The following FCRL3 variants were observed in gnomAD, a reference collection of about 807,000 sequenced individuals.
FCRL3 encodes the protein Fc receptor-like protein 3.
FCRL3 carries 89 observed loss-of-function variants against 75.0 expected under a neutral mutation model. The observed-to-expected ratio is 1.19, with a 90% CI of 1.00 to 1.42. The LOEUF (loss-of-function observed/expected upper bound fraction) is 1.42, where lower values mean the gene tolerates loss of function less well. Ranked by LOEUF, FCRL3 falls within the 40% of genes most tolerant of loss-of-function variation. The pLI is 0.00. For synonymous variants in FCRL3, 376 were observed against 348.5 expected (o/e 1.08, Z -0.88); for missense variants, 946 against 880.0 (o/e 1.07, Z -0.95).
intron 11 of FCRL3, among the ~76,000 whole-genome samples, chr1:157,682,012 C>A (rs1233918323): frequency 6.6e-6 from 1 of 151,696 alleles, no homozygotes; most frequent in Non-Finnish European, 1.5e-5. Flanking sequence ...AGCATTTTTT[C>A]ATGTGTTTTT....
chr1:157,699,851 A>C, intron 2 of FCRL3, 139 bp from the exon 3 acceptor site: 2 of 894,486 alleles, frequency 2.2e-6, no homozygotes, highest in Non-Finnish European at 3.5e-6. Flanking sequence ...ACAACAAAGA[A>C]AATGTCATAT....
At position 157,677,849 on chromosome 1, in the gene FCRL3, G is replaced by A; in HGVS notation, c.*861C>T. On this transcript the variant is annotated 3_prime_UTR_variant, in exon 15 of 15. Coordinates refer to ENST00000368184, the MANE Select transcript of FCRL3 (RefSeq NM_052939.4). ...AGAAATAGGAGAGCATGGGAATAAT[G>A]AACATGAGATTTAGAATGGTTTTTT... 1 of 652,358 alleles carries A rather than the reference G, an allele frequency of 1.5e-6. No individual in the cohort carries two copies. 40.4% of individuals were successfully genotyped at this position (652,358 alleles called of 1,614,324 possible). A position where few individuals can be genotyped will look rare whatever the true frequency, so the allele number is the denominator to read the frequency against.
At chr1:157,698,845 G>A (rs993228064) in intron 3 of FCRL3, among the ~76,000 whole-genome samples, 1 of 152,184 alleles carries the variant, frequency 6.6e-6, no homozygotes, top group African/African-American at 2.4e-5. Context: ...TATTATAGGG[G>A]AGAGGTCTCA....
intron 8 of FCRL3, among the ~76,000 whole-genome samples, chr1:157,691,001 A>G: frequency 6.7e-6 from 1 of 148,902 alleles, no homozygotes; most frequent in Non-Finnish European, 1.5e-5. Flanking sequence ...ACATCTGTCT[A>G]TGTATGTATG....
chr1:157,692,299 T>C (rs988834123), intron 8 of FCRL3, among the ~76,000 whole-genome samples: 13 of 152,198 alleles, frequency 8.5e-5, no homozygotes, highest in Admixed American at 1.3e-4. Context: ...AGTACAGTGG[T>C]GCAATCATGA....
At chr1:157,700,431 G>A (rs200272119) in intron 2 of FCRL3, 28 bp downstream of exon 2, 83 of 1,613,768 alleles carry the variant, frequency 5.1e-5, no homozygotes, top group Middle Eastern at 1.7e-4. Context: ...AACTGAGGCC[G>A]TGGCCCCATT....
intron 3 of FCRL3, among the ~76,000 whole-genome samples, chr1:157,699,300 T>C (rs878928717): frequency 1.3e-5 from 2 of 152,244 alleles, no homozygotes; most frequent in East Asian, 1.9e-4. Context: ...TTTATAAGGA[T>C]TCTGCTGTAG....
Position 157,698,379 on chromosome 1 carries a change from C to T in FCRL3, c.298+5G>A. 6.2e-7 allele frequency: 1 copy of T among 1,614,132 alleles called. No individual in the cohort carries two copies. The highest frequency in any genetic ancestry group is 8.5e-7 in the Non-Finnish European group (1 of 1,179,990). ...GACTTTAGACACTCCCCTTCCATTC[C>T]TCACCAGGTGAAAATTCCACATGCA... is the stretch of plus-strand genomic sequence containing the variant. On this transcript the variant is annotated splice_donor_5th_base_variant and intron_variant, in intron 4 of 14. Coordinates refer to ENST00000368184, the MANE Select transcript of FCRL3 (RefSeq NM_052939.4).
In FCRL3 at chr1:157,697,090, C is replaced by T. The variant is rs571969015; in HGVS notation, c.844+50G>A. The T allele has an allele frequency of 2.0e-5, 28 of 1,379,320 alleles. 1 individual carries two copies. In the South Asian group the frequency reaches 3.8e-4, roughly 18 times the overall value. The allele number at this position is 1,379,320 out of a possible 1,614,324, so 85.4% of individuals were successfully genotyped here. A position where few individuals can be genotyped will look rare whatever the true frequency, so the allele number is the denominator to read the frequency against. On this transcript the variant is annotated intron_variant, in intron 6 of 14. Coordinates refer to ENST00000368184, the MANE Select transcript of FCRL3 (RefSeq NM_052939.4). ...TAGGGGTGCAGGAGATATCACTGGCCTTCCTCTCCCCAGCTCTGACTCTGG... is the reference window on the plus strand; with the variant it reads ...TAGGGGTGCAGGAGATATCACTGGCTTTCCTCTCCCCAGCTCTGACTCTGG...
In FCRL3 at chr1:157,677,105, T is replaced by C; in HGVS notation, c.*1605A>G. ...CATGCCCTGCACTCAAAGGCCAGGA[T>C]AAGGGTAACAGAGGCCAGTGGGAGC... On this transcript the variant is annotated 3_prime_UTR_variant, in exon 15 of 15. Coordinates refer to ENST00000368184, the MANE Select transcript of FCRL3 (RefSeq NM_052939.4). 9.1e-7 allele frequency: 1 copy of C among 1,099,236 alleles called. No individual in the cohort carries two copies. The highest frequency in any genetic ancestry group is 1.1e-6 in the Non-Finnish European group (1 of 894,112). 68.1% of individuals were successfully genotyped at this position (1,099,236 alleles called of 1,614,324 possible).
rs556446223 is a variant in FCRL3 at position 157,696,349 on chromosome 1, T to C, written c.845-22A>G. On this transcript the variant is annotated intron_variant, in intron 6 of 14. Coordinates refer to ENST00000368184, the MANE Select transcript of FCRL3 (RefSeq NM_052939.4). ...ACTCCTGGGGGAACACAAGATGGCA[T>C]GTGAAGGTCCTGATGGCAGGGACAT... 203 of 1,611,938 alleles carry C rather than the reference T, an allele frequency of 1.3e-4. 2 individuals are homozygous for C. In the South Asian group the frequency reaches 2.1e-3, roughly 17 times the overall value.
Position 157,677,198 on chromosome 1 carries a change from T to C in FCRL3, c.*1512A>G. On this transcript the variant is annotated 3_prime_UTR_variant, in exon 15 of 15. Coordinates refer to ENST00000368184, the MANE Select transcript of FCRL3 (RefSeq NM_052939.4). ...GCTTAGCTGGCTTTGCTGGTCGTAA[T>C]GGAGGACAAAAGTGCCTTCTGGTGA... 9.9e-7 allele frequency: 1 copy of C among 1,010,338 alleles called. No individual in the cohort carries two copies. Among genetic ancestry groups the C allele is most frequent in the Non-Finnish European group, 1.2e-6 (1 of 843,740 alleles). 62.6% of individuals were successfully genotyped at this position (1,010,338 alleles called of 1,614,324 possible). A position where few individuals can be genotyped will look rare whatever the true frequency, so the allele number is the denominator to read the frequency against.
intron 7 of FCRL3, 92 bp from the exon 8 acceptor site, chr1:157,695,699 T>G: frequency 1.4e-6 from 2 of 1,385,860 alleles, no homozygotes; most frequent in South Asian, 2.9e-5. Context: ...ATGTCCCTTG[T>G]CCCTTGATTG....
At chr1:157,680,819 A>G in intron 12 of FCRL3, 49 bp from the exon 13 acceptor site, 1 of 1,546,094 alleles carries the variant, frequency 6.5e-7, no homozygotes, top group South Asian at 1.1e-5. Flanking sequence ...CTCATATTCT[A>G]GACTCTACTT....
At chr1:157,679,820 C>A (rs533177838) in intron 13 of FCRL3, among the ~76,000 whole-genome samples, 12 of 89,164 alleles carry the variant, frequency 1.3e-4, no homozygotes, top group South Asian at 7.0e-4. Context: ...CAGAACGAGA[C>A]CCCATCTCAC....
intron 12 of FCRL3, 59 bp from the exon 13 acceptor site, chr1:157,680,829 T>G (rs1288007204): frequency 4.6e-6 from 7 of 1,531,584 alleles, no homozygotes; most frequent in Non-Finnish European, 6.3e-6. Context: ...AGACTCTACT[T>G]CCCAATCACC....
intron 8 of FCRL3, among the ~76,000 whole-genome samples, chr1:157,692,973 G>T (rs914511003): frequency 2.0e-5 from 3 of 151,982 alleles, no homozygotes; most frequent in African/African-American, 7.3e-5. Flanking sequence ...AAACATGTTC[G>T]ATAGAAATTC....
intron 3 of FCRL3, among the ~76,000 whole-genome samples, chr1:157,699,242 A>G (rs1260897705): frequency 6.6e-6 from 1 of 152,222 alleles, no homozygotes; most frequent in African/African-American, 2.4e-5. Context: ...CAACTGACTG[A>G]CAGGCATGGA....
Position 157,689,797 on chromosome 1 carries a change from C to G in FCRL3, c.1810+1G>C. ...TCACAAGGTAGGACCTAGACACCCA[C>G]CTGGTTTCCTTCGGGCCCTGGCGTA... is the stretch of plus-strand genomic sequence containing the variant. On this transcript the variant is annotated splice_donor_variant, in intron 10 of 14. Transcript: ENST00000368184. LOFTEE classifies it high-confidence loss of function. The G allele has an allele frequency of 6.2e-7, 1 of 1,614,156 alleles. No homozygotes were observed. Among genetic ancestry groups the G allele is most frequent in the Middle Eastern group, 1.6e-4 (1 of 6,062 alleles).
Sources: gnomAD v4.1 joint callset for allele counts (sites outside exome capture counted in the v4.1 genomes callset) on GRCh38, gnomAD v4.1.1 for gene constraint, MANE v1.5 for transcripts, NCBI Gene and HGNC (gene_info 2026-07-23, HGNC 2026-07-21) for gene names.